The following WWP2 variants were observed in gnomAD, a reference collection of about 807,000 sequenced individuals.
WWP2 encodes the protein NEDD4-like E3 ubiquitin-protein ligase WWP2.
In WWP2, 57 loss-of-function variants were observed where a neutral mutation model predicts 121.0. The observed-to-expected ratio is 0.47, with a 90% CI of 0.38 to 0.59. WWP2 has a LOEUF of 0.59. WWP2 is among the 20% of genes least tolerant of loss of function. The pLI, the probability that WWP2 is intolerant of heterozygous loss-of-function variation, is 0.00. For missense variants in WWP2, 962 were observed against 1,158.9 expected (o/e 0.83, Z 2.47); for synonymous variants, 449 against 441.3 (o/e 1.02, Z -0.22).
intron 4 of WWP2, among the ~76,000 whole-genome samples, chr16:69,827,485 T>C (rs1320624541): frequency 1.3e-5 from 2 of 152,242 alleles, no homozygotes; most frequent in African/African-American, 4.8e-5. Flanking sequence ...TGGGGCATAA[T>C]AGGTCCCTCA....
At chr16:69,798,902 G>T in intron 3 of WWP2, 73 bp downstream of exon 3, 2 of 1,577,352 alleles carry the variant, frequency 1.3e-6, no homozygotes, top group Non-Finnish European at 1.7e-6. Context: ...GGGGTTGTGG[G>T]AGGTACAGAT....
At chr16:69,898,965 A>C (rs999888125) in intron 8 of WWP2, among the ~76,000 whole-genome samples, 1 of 152,086 alleles carries the variant, frequency 6.6e-6, no homozygotes, top group Non-Finnish European at 1.5e-5. Flanking sequence ...CGGCCTCCCA[A>C]AGTGCTGGGA....
At chr16:69,886,772 C>T (rs1415540900) in intron 7 of WWP2, among the ~76,000 whole-genome samples, 3 of 152,062 alleles carry the variant, frequency 2.0e-5, no homozygotes, top group Admixed American at 2.0e-4. Flanking sequence ...AACAAAACAA[C>T]CCCTCACCAA....
intron 6 of WWP2, among the ~76,000 whole-genome samples, chr16:69,863,357 A>G (rs1254369150): frequency 6.6e-6 from 1 of 152,132 alleles, no homozygotes; most frequent in Non-Finnish European, 1.5e-5. Flanking sequence ...AGATACAGAA[A>G]GGCTGGGCGT....
chr16:69,862,499 C>T (rs144009683), intron 6 of WWP2, among the ~76,000 whole-genome samples: 49 of 152,180 alleles, frequency 3.2e-4, no homozygotes, highest in African/African-American at 1.2e-3. Flanking sequence ...AATCCAACCA[C>T]CTCGGCCTTC....
Position 69,940,336 on chromosome 16 carries a change from G to A in WWP2, c.*396G>A, listed in dbSNP as rs1029176158. Reference sequence around the variant, plus strand: ...AGTTCGGCGAGGAGACTGGCCACTGGGGGTGGCTGTTCGGGACTGAGAGCG... The same window carrying A: ...AGTTCGGCGAGGAGACTGGCCACTGAGGGTGGCTGTTCGGGACTGAGAGCG... On this transcript the variant is annotated 3_prime_UTR_variant, in exon 24 of 24. Transcript: ENST00000359154. 1 of 189,758 alleles carries A rather than the reference G, an allele frequency of 5.3e-6. No homozygotes were observed. Among genetic ancestry groups the A allele is most frequent in the Non-Finnish European group, 1.1e-5 (1 of 91,362 alleles). The allele number at this position is 189,758 out of a possible 1,614,324, so 11.8% of individuals were successfully genotyped here.
chr16:69,802,686 T>C (rs1375448375), intron 4 of WWP2, among the ~76,000 whole-genome samples: 3 of 151,460 alleles, frequency 2.0e-5, no homozygotes, highest in Non-Finnish European at 4.4e-5. Context: ...CTGCAACCCC[T>C]GTCTCCTGGG....
chr16:69,768,021 A>G (rs2038769466), intron 1 of WWP2, among the ~76,000 whole-genome samples: 1 of 152,058 alleles, frequency 6.6e-6, no homozygotes, highest in African/African-American at 2.4e-5. Flanking sequence ...ACTTTTTTGT[A>G]GAGATGGGGT....
chr16:69,901,306 C>T (rs1243949689), intron 8 of WWP2, among the ~76,000 whole-genome samples: 2 of 152,184 alleles, frequency 1.3e-5, no homozygotes, highest in Non-Finnish European at 2.9e-5. Flanking sequence ...GAAGAGGCAG[C>T]TTTAAGAATA....
intron 2 of WWP2, among the ~76,000 whole-genome samples, chr16:69,787,746 C>T (rs1032209204): frequency 1.3e-5 from 2 of 152,226 alleles, no homozygotes; most frequent in African/African-American, 2.4e-5. Context: ...TACCTCTGAA[C>T]TCCTGATTTA....
Position 69,925,636 on chromosome 16 carries a change from A to G in WWP2, c.1234+152A>G, listed in dbSNP as rs1365656666. On this transcript the variant is annotated intron_variant, in intron 11 of 23. Coordinates refer to ENST00000359154, the MANE Select transcript of WWP2 (RefSeq NM_001270454.2). This position sits in a 1 kb window ranked among gnomAD's most constrained non-coding sequence, Gnocchi z 4.0. ...CTCTCTGGGCATGCCCCACCAGAGC[A>G]ATTACAGGTGATGGAGCTGGGCAGC... 1 of 1,097,136 alleles carries G rather than the reference A, an allele frequency of 9.1e-7. No homozygotes were observed. The highest frequency in any genetic ancestry group is 1.3e-6 in the Non-Finnish European group (1 of 789,470). The allele number at this position is 1,097,136 out of a possible 1,614,324, so 68.0% of individuals were successfully genotyped here. A position where few individuals can be genotyped will look rare whatever the true frequency, so the allele number is the denominator to read the frequency against.
chr16:69,925,189 T>C lies in WWP2; in HGVS notation c.1180-241T>C, dbSNP rs764990782. On this transcript the variant is annotated intron_variant, in intron 10 of 23. Transcript: ENST00000359154. This position sits in a 1 kb window ranked among gnomAD's most constrained non-coding sequence, Gnocchi z 4.0. The stretch of plus-strand genomic sequence containing the variant: ...CCGCCTCCTCCCCGTCGCTCTGCCT[T>C]TTCCAAAACTCACTTGGGCCCTCCG... 2.2e-6 allele frequency: 3 copies of C among 1,339,344 alleles called. No individual in the cohort carries two copies. Among genetic ancestry groups the C allele is most frequent in the Non-Finnish European group, 2.9e-6 (3 of 1,043,826 alleles). 83.0% of individuals were successfully genotyped at this position (1,339,344 alleles called of 1,614,324 possible). A position where few individuals can be genotyped will look rare whatever the true frequency, so the allele number is the denominator to read the frequency against.
chr16:69,824,289 AG>A (rs1466379656), intron 4 of WWP2, among the ~76,000 whole-genome samples: 1 of 152,104 alleles, frequency 6.6e-6, no homozygotes, highest in Non-Finnish European at 1.5e-5. Context: ...TTCTTAGTGT[AG>A]GAGGCTTATT....
At position 69,786,107 on chromosome 16, in the gene WWP2, G is replaced by A. The variant is rs991348829; in HGVS notation, c.-15-889G>A. On this transcript the variant is annotated intron_variant, in intron 1 of 23. Coordinates refer to ENST00000359154, the MANE Select transcript of WWP2 (RefSeq NM_001270454.2). ...ACACTAGATTAGCTGTCTTTCTGCT[G>A]TGAATCTGTGATGTTCTTTTTGGAG... 8.3e-5 allele frequency: 12 copies of A among 144,658 alleles called. No individual in the cohort carries two copies. In the Admixed American group the frequency reaches 8.7e-4, roughly 10 times the overall value. The allele number at this position is 144,658 out of a possible 1,614,324, so 9.0% of individuals were successfully genotyped here. A position where few individuals can be genotyped will look rare whatever the true frequency, so the allele number is the denominator to read the frequency against.
intron 4 of WWP2, among the ~76,000 whole-genome samples, chr16:69,839,731 A>G (rs1313427161): frequency 6.6e-6 from 1 of 152,210 alleles, no homozygotes; most frequent in Non-Finnish European, 1.5e-5. Context: ...CCTCCTGTTG[A>G]CAGTTCCTTA....
At chr16:69,871,118 T>G (rs2057627863) in intron 6 of WWP2, among the ~76,000 whole-genome samples, 2 of 150,642 alleles carry the variant, frequency 1.3e-5, no homozygotes, top group Admixed American at 6.6e-5. Context: ...AGACCCCATC[T>G]CCCCAAAAAT....
intron 2 of WWP2, chr16:69,787,853 G>T (rs1290661804): frequency 1.3e-5 from 2 of 152,220 alleles, no homozygotes; most frequent in Non-Finnish European, 2.9e-5. Flanking sequence ...CTTCCTCATT[G>T]TCTGTATCAA....
chr16:69,782,151 C>T (rs906516552), intron 1 of WWP2, among the ~76,000 whole-genome samples: 8 of 152,098 alleles, frequency 5.3e-5, no homozygotes, highest in Admixed American at 1.3e-4. Flanking sequence ...GGCGTGTTAG[C>T]GGGTGCCTGT....
At chr16:69,911,148 C>G (rs942812823) in intron 9 of WWP2, among the ~76,000 whole-genome samples, 5 of 152,200 alleles carry the variant, frequency 3.3e-5, no homozygotes, top group African/African-American at 1.2e-4. Context: ...GACCTAGTCC[C>G]TGGGGAGCAA....
Sources: allele counts gnomAD v4.1 joint callset (sites outside exome capture counted in the v4.1 genomes callset), GRCh38; gene constraint gnomAD v4.1.1; non-coding constraint Gnocchi (gnomAD v3.1); transcripts MANE v1.5; gene names NCBI Gene and HGNC (gene_info 2026-07-23, HGNC 2026-07-21).